Variants in FAIM2 observed in about 807,000 individuals in gnomAD.
FAIM2 encodes the protein protein lifeguard 2.
A neutral mutation model predicts 47.4 loss-of-function variants in FAIM2; 27 were observed. The observed-to-expected ratio is 0.57, with a 90% CI of 0.42 to 0.78. The LOEUF is 0.78. FAIM2 is among the 30% of genes least tolerant of loss of function. The pLI is 0.00. For synonymous variants in FAIM2, 156 were observed against 159.3 expected (o/e 0.98, Z 0.16); for missense variants, 311 against 389.4 (o/e 0.80, Z 1.69).
chr12:49,900,875 A>T (rs1477241027), intron 2 of FAIM2, among the ~76,000 whole-genome samples: 2 of 152,034 alleles, frequency 1.3e-5, no homozygotes, highest in Non-Finnish European at 2.9e-5. Flanking sequence ...TTGCTCTAGC[A>T]TGGTGACTTG....
chr12:49,887,016 T>C (rs540854304), intron 11 of FAIM2, among the ~76,000 whole-genome samples: 1 of 152,116 alleles, frequency 6.6e-6, no homozygotes, highest in Non-Finnish European at 1.5e-5. Flanking sequence ...AAGCCTTCCC[T>C]GATTGCCCCT....
intron 1 of FAIM2, among the ~76,000 whole-genome samples, chr12:49,903,186 C>G (rs1743401840): frequency 6.6e-6 from 1 of 152,248 alleles, no homozygotes; most frequent in African/African-American, 2.4e-5. Flanking sequence ...AGAAGAGATG[C>G]TTCATCCGGA....
At chr12:49,873,127 C>T (rs1018578702) in intron 11 of FAIM2, among the ~76,000 whole-genome samples, 4 of 152,128 alleles carry the variant, frequency 2.6e-5, no homozygotes, top group Middle Eastern at 3.4e-3. Context: ...GCACGGGGTG[C>T]GTCAGTCTCC....
At chr12:49,880,548 ATGCGTGTGTG>A (rs1206478750) in intron 11 of FAIM2, among the ~76,000 whole-genome samples, 2,355 of 58,232 alleles carry the variant, frequency 0.04, 65 homozygotes, top group African/African-American at 0.18. Flanking sequence ...GTATGTATGC[ATGCGTGTGTG>A]TGCATGTGTG....
chr12:49,880,583 T>C (rs1355691588), intron 11 of FAIM2, among the ~76,000 whole-genome samples: 4 of 151,026 alleles, frequency 2.6e-5, no homozygotes, highest in African/African-American at 7.3e-5. Flanking sequence ...TGTGCATGTG[T>C]ATATGTGCAT....
In FAIM2 at chr12:49,890,137, G is replaced by A. The variant is rs1946889583; in HGVS notation, c.543C>T (p.Tyr181=). 3 of 1,613,970 alleles carry A rather than the reference G, an allele frequency of 1.9e-6. No individual in the cohort carries two copies. Among genetic ancestry groups the A allele is most frequent in the African/African-American group, 1.3e-5 (1 of 74,906 alleles). ...LLTVFTLSMA[Y]LTGMLSSYYN... ...TTTACCTGGACAGCATCCCAGTGAG[G>A]TAGGCCATGGACAGGGTCTGAAAGG... Residue 181 remains tyrosine (Y), a synonymous_variant, in exon 8 of 12, where the codon TAC becomes TAT. Coordinates refer to ENST00000320634, the MANE Select transcript of FAIM2 (RefSeq NM_012306.4).
intron 11 of FAIM2, among the ~76,000 whole-genome samples, chr12:49,877,852 G>A (rs1592784663): frequency 6.6e-6 from 1 of 152,058 alleles, no homozygotes; most frequent in East Asian, 1.9e-4. Flanking sequence ...GTGTAGGTGT[G>A]TGCATGTGTG....
intron 10 of FAIM2, 32 bp downstream of exon 10, chr12:49,889,075 C>G (rs763562051): frequency 1.6e-5 from 24 of 1,541,356 alleles, no homozygotes; most frequent in African/African-American, 2.7e-5. Flanking sequence ...CCTCCCTCCC[C>G]ATGGGGCCTG....
chr12:49,884,225 G>GT (rs1946845259), intron 11 of FAIM2, among the ~76,000 whole-genome samples: 1 of 49,292 alleles, frequency 2.0e-5, no homozygotes. Flanking sequence ...CTCCGTCTCA[G>GT]AAAAAAAAAA....
intron 11 of FAIM2, among the ~76,000 whole-genome samples, chr12:49,883,111 C>G (rs563832926): frequency 6.6e-6 from 1 of 152,104 alleles, no homozygotes; most frequent in South Asian, 2.1e-4. Flanking sequence ...TCACACAGCA[C>G]GAGTCCAGTG....
rs777477550 is a variant in FAIM2 at position 49,878,671 on chromosome 12, T to C, written c.802-8018A>G. On this transcript the variant is annotated intron_variant, in intron 11 of 11. Coordinates refer to ENST00000320634, the MANE Select transcript of FAIM2 (RefSeq NM_012306.4). ...ATATGTGCGCTTGTATGTGCATGTG[T>C]GTATGTGTGTATATGTGAGTGTATG... 1.1e-3 allele frequency among the ~76,000 whole-genome samples: 146 copies of C among 135,338 alleles called. 14 individuals are homozygous for C. Among genetic ancestry groups the C allele is most frequent in the Middle Eastern group, 3.5e-3 (1 of 286 alleles). 88.8% of individuals were successfully genotyped at this position (135,338 alleles called of 152,430 possible).
In FAIM2 at chr12:49,873,293, G is replaced by A. The variant is rs543096635; in HGVS notation, c.802-2640C>T. Among the ~76,000 whole-genome samples, 17 of 152,178 alleles carry A rather than the reference G, an allele frequency of 1.1e-4. No homozygotes were observed. The East Asian group carries it at 1.7e-3, about 16-fold the overall frequency. ...GGGATAGTAGCAATGCCCACACCACGGTGTGGTTTTGAGGGTAGATTTATG... is the reference window on the plus strand; with the variant it reads ...GGGATAGTAGCAATGCCCACACCACAGTGTGGTTTTGAGGGTAGATTTATG... On this transcript the variant is annotated intron_variant, in intron 11 of 11. Transcript: ENST00000320634.
intron 11 of FAIM2, among the ~76,000 whole-genome samples, chr12:49,885,949 C>T (rs141595277): frequency 6.6e-6 from 1 of 152,240 alleles, no homozygotes; most frequent in African/African-American, 2.4e-5. Flanking sequence ...CTCACTCAGG[C>T]TTGATCCCTA....
At chr12:49,900,189 G>A (rs1368039025) in intron 2 of FAIM2, 4 of 1,287,854 alleles carry the variant, frequency 3.1e-6, no homozygotes, top group South Asian at 1.2e-5. Context: ...ACGGTGGGGT[G>A]AGTCTTCAGG....
At chr12:49,877,167 A>T (rs535472973) in intron 11 of FAIM2, among the ~76,000 whole-genome samples, 12 of 152,282 alleles carry the variant, frequency 7.9e-5, no homozygotes, top group African/African-American at 2.6e-4. Context: ...CCCCTCCCTC[A>T]GTCCCCCACC....
chr12:49,883,175 C>T (rs1394164444), intron 11 of FAIM2, among the ~76,000 whole-genome samples: 2 of 151,968 alleles, frequency 1.3e-5, no homozygotes, highest in African/African-American at 4.8e-5. Flanking sequence ...CTGTGGGAAG[C>T]GATTGCGGGA....
At chr12:49,871,714 C>T (rs1185162030) in intron 11 of FAIM2, among the ~76,000 whole-genome samples, 2 of 148,664 alleles carry the variant, frequency 1.3e-5, no homozygotes, top group Middle Eastern at 3.4e-3. Context: ...TTGCCCAGGT[C>T]GGAGTGCAAT....
intron 3 of FAIM2, among the ~76,000 whole-genome samples, 185 bp from the exon 4 acceptor site, chr12:49,897,768 C>CT (rs562125687): frequency 3.3e-5 from 5 of 151,480 alleles, no homozygotes; most frequent in African/African-American, 7.3e-5. Context: ...AAGCGCACCC[C>CT]CCCCCAGCAT....
chr12:49,887,537 T>C, intron 10 of FAIM2, 98 bp from the exon 11 acceptor site: 1 of 1,066,468 alleles, frequency 9.4e-7, no homozygotes. Flanking sequence ...GGACACGGGG[T>C]AGCCCTGCCC....
Sources: allele counts gnomAD v4.1 joint callset (sites outside exome capture counted in the v4.1 genomes callset), GRCh38; gene constraint gnomAD v4.1.1; transcripts MANE v1.5; gene names NCBI Gene and HGNC (gene_info 2026-07-23, HGNC 2026-07-21).